PCED1B: variants seen among roughly 807,000 people sequenced by gnomAD.
PCED1B encodes PC-esterase domain-containing protein 1B.
For missense variants in PCED1B, 573 were observed against 573.9 expected, an observed-to-expected ratio of 1.00 and a Z score of 0.02; for synonymous variants, 251 against 246.1, an observed-to-expected ratio of 1.02 and a Z score of -0.19.
At chr12:47,211,902 C>T (rs1202058705) in intron 2 of PCED1B, among the ~76,000 whole-genome samples, 17 of 151,190 alleles carry the variant, frequency 1.1e-4, no homozygotes, top group South Asian at 4.2e-4. Context: ...GGTGAAACCC[C>T]GTCTCTACTA....
At chr12:47,190,525 G>C (rs1223120511) in intron 2 of PCED1B, among the ~76,000 whole-genome samples, 3 of 152,234 alleles carry the variant, frequency 2.0e-5, no homozygotes, top group Non-Finnish European at 2.9e-5. Flanking sequence ...GCCTACACCA[G>C]TTTCAGTGGG....
chr12:47,144,210 C>G (rs1196306699), intron 2 of PCED1B, among the ~76,000 whole-genome samples: 2 of 152,154 alleles, frequency 1.3e-5, no homozygotes, highest in Admixed American at 6.5e-5. Flanking sequence ...ACAGCTAAGG[C>G]AGCCGAGGAG....
At position 47,211,188 on chromosome 12, in the gene PCED1B, A is replaced by C. The variant is rs61927740; in HGVS notation, c.-525-5034A>C. Among the ~76,000 whole-genome samples the C allele has an allele frequency of 3.7e-3, 562 of 152,284 alleles. 4 individuals are homozygous for C. Among genetic ancestry groups the C allele is most frequent in the Non-Finnish European group, 5.7e-3 (389 of 68,016 alleles). ...TGCTTCTGTGTTTTTCCCTCCCTGC[A>C]CTGTGAGCTACAGAACATAGAGAAG... On this transcript the variant is annotated intron_variant, in intron 2 of 3. Coordinates refer to ENST00000546455, the MANE Select transcript of PCED1B (RefSeq NM_138371.3).
intron 2 of PCED1B, among the ~76,000 whole-genome samples, chr12:47,204,048 C>T (rs756711822): frequency 5.3e-5 from 8 of 152,122 alleles, no homozygotes; most frequent in Admixed American, 3.3e-4. Context: ...CAGGCTCAAA[C>T]GATCCTCTAC....
chr12:47,165,278 A>G (rs1034775676), intron 2 of PCED1B, among the ~76,000 whole-genome samples: 4 of 152,228 alleles, frequency 2.6e-5, no homozygotes, highest in Non-Finnish European at 5.9e-5. Flanking sequence ...CCATTTCCCT[A>G]TAGCAAATTA....
chr12:47,234,747 A>G (rs1943918124), intron 3 of PCED1B, among the ~76,000 whole-genome samples: 1 of 152,152 alleles, frequency 6.6e-6, no homozygotes, highest in African/African-American at 2.4e-5. Flanking sequence ...TGAGCCTCCA[A>G]CAGCAGCCTC....
At chr12:47,186,485 G>A (rs1301186502) in intron 2 of PCED1B, among the ~76,000 whole-genome samples, 2 of 151,982 alleles carry the variant, frequency 1.3e-5, no homozygotes, top group Non-Finnish European at 2.9e-5. Context: ...GGGTAGAGGG[G>A]GGCACTTTCA....
rs116834008 is a variant in PCED1B, at chr12:47,144,237, G to A, written c.-526+40042G>A. ...GCCGAGGAGCAATGCACTGAAATGT[G>A]GGAAGGAGAAATCTAGGAGGCTCTG... On this transcript the variant is annotated intron_variant, in intron 2 of 3. Coordinates refer to ENST00000546455, the MANE Select transcript of PCED1B (RefSeq NM_138371.3). Among the ~76,000 whole-genome samples the A allele has an allele frequency of 4.3e-3, 658 of 152,268 alleles. 5 individuals carry two copies. Among genetic ancestry groups the A allele is most frequent in the African/African-American group, 0.015 (640 of 41,534 alleles).
chr12:47,133,070 T>A (rs1006150428), intron 2 of PCED1B, among the ~76,000 whole-genome samples: 1 of 152,242 alleles, frequency 6.6e-6, no homozygotes, highest in Non-Finnish European at 1.5e-5. Context: ...CAAAGGGGAC[T>A]GTATTTTCTT....
At chr12:47,111,031 T>C (rs1415373026) in intron 2 of PCED1B, among the ~76,000 whole-genome samples, 1 of 152,240 alleles carries the variant, frequency 6.6e-6, no homozygotes, top group Non-Finnish European at 1.5e-5. Flanking sequence ...TCCCACTGAA[T>C]TCAATTGCTT....
At chr12:47,196,943 G>T (rs901550504) in intron 2 of PCED1B, among the ~76,000 whole-genome samples, 1 of 151,672 alleles carries the variant, frequency 6.6e-6, no homozygotes. Flanking sequence ...AGGCCAAAGT[G>T]TTAATACACT....
chr12:47,097,319 T>A (rs1938520543), intron 1 of PCED1B, among the ~76,000 whole-genome samples: 1 of 152,208 alleles, frequency 6.6e-6, no homozygotes, highest in Non-Finnish European at 1.5e-5. Flanking sequence ...ACCCTCTTCC[T>A]TTTTCTTACA....
chr12:47,128,162 A>G (rs1186710045), intron 2 of PCED1B, among the ~76,000 whole-genome samples: 1 of 152,242 alleles, frequency 6.6e-6, no homozygotes, highest in African/African-American at 2.4e-5. Flanking sequence ...GTCAGGTCAA[A>G]TTTATGAAAT....
intron 2 of PCED1B, among the ~76,000 whole-genome samples, chr12:47,189,381 C>T (rs962240462): frequency 6.6e-6 from 1 of 152,170 alleles, no homozygotes; most frequent in Non-Finnish European, 1.5e-5. Context: ...ATTGTGCATT[C>T]TTGTGCCGTG....
intron 2 of PCED1B, among the ~76,000 whole-genome samples, chr12:47,172,377 C>A (rs1211212388): frequency 2.9e-4 from 7 of 24,474 alleles, no homozygotes; most frequent in Admixed American, 1.4e-3. Flanking sequence ...TTTTTCAGTT[C>A]TTTTGTTATT....
chr12:47,174,088 T>C (rs189453403), intron 2 of PCED1B, among the ~76,000 whole-genome samples: 6 of 152,126 alleles, frequency 3.9e-5, no homozygotes, highest in Admixed American at 2.0e-4. Context: ...GAGATCAGCC[T>C]GGGAAACATA....
At chr12:47,126,892 T>C (rs1415638728) in intron 2 of PCED1B, among the ~76,000 whole-genome samples, 1 of 152,230 alleles carries the variant, frequency 6.6e-6, no homozygotes, top group East Asian at 1.9e-4. Context: ...TCTCTCACTC[T>C]TCTTTTTCGT....
At chr12:47,143,975 A>T (rs1940692399) in intron 2 of PCED1B, among the ~76,000 whole-genome samples, 1 of 152,176 alleles carries the variant, frequency 6.6e-6, no homozygotes, top group Non-Finnish European at 1.5e-5. Flanking sequence ...GCATTGCCCT[A>T]GTTGGGGCTC....
intron 2 of PCED1B, chr12:47,206,123 AGCTGATCCATCACATGCAG>A (rs1474479818): frequency 6.6e-6 from 1 of 152,214 alleles, no homozygotes; most frequent in Non-Finnish European, 1.5e-5. Context: ...GGATGGTGTC[AGCTGATCCATCACATGCAG>A]GGTCTGCAAA....
Sources: allele counts gnomAD v4.1 joint callset (sites outside exome capture counted in the v4.1 genomes callset), GRCh38; gene constraint gnomAD v4.1.1; transcripts MANE v1.5; gene names NCBI Gene and HGNC (gene_info 2026-07-23, HGNC 2026-07-21).